The following NLGN4X variants were observed in gnomAD, a reference collection of about 807,000 sequenced individuals.
NLGN4X encodes the protein neuroligin-4, X-linked.
Under a neutral mutation model 40.3 loss-of-function variants are expected in NLGN4X, and 3 were observed. That is an observed-to-expected ratio of 0.07 (90% CI 0.03 to 0.19). The LOEUF (loss-of-function observed/expected upper bound fraction) is 0.19. NLGN4X is among the 10% of genes least tolerant of loss of function. The pLI is 1.00. For missense variants in NLGN4X, 382 were observed against 708.3 expected (o/e 0.54, Z 5.23); for synonymous variants, 270 against 306.8 (o/e 0.88, Z 1.25).
chrX:6,030,907 C>T (rs1410319345), intron 2 of NLGN4X, among the ~76,000 whole-genome samples: 1 of 111,714 alleles, frequency 9.0e-6, no homozygotes, highest in Non-Finnish European at 1.9e-5. Flanking sequence ...ATTTCTTTTA[C>T]CATTACCAGC....
chrX:6,195,992 C>T (rs1602404131), intron 1 of NLGN4X, among the ~76,000 whole-genome samples: 5 of 110,900 alleles, frequency 4.5e-5, no homozygotes, highest in Admixed American at 2.9e-4. Flanking sequence ...TAGGATCTCA[C>T]TATTTTGCCC....
At chrX:6,039,901 A>G (rs942556266) in intron 2 of NLGN4X, among the ~76,000 whole-genome samples, 6 of 111,648 alleles carry the variant, frequency 5.4e-5, no homozygotes, top group African/African-American at 2.0e-4. Flanking sequence ...AGTGCTGCGT[A>G]TGGTTCTAAG....
chrX:6,218,803 T>C (rs973397525), intron 1 of NLGN4X, among the ~76,000 whole-genome samples: 2 of 111,753 alleles, frequency 1.8e-5, no homozygotes, highest in African/African-American at 6.5e-5. Flanking sequence ...GTGGTTAATT[T>C]GGTTAAAACT....
intron 1 of NLGN4X, among the ~76,000 whole-genome samples, chrX:6,201,185 G>C (rs769247151): frequency 8.0e-5 from 9 of 112,135 alleles, no homozygotes; most frequent in African/African-American, 2.3e-4. Flanking sequence ...GCATGTTAGA[G>C]AGAGCAGTGA....
intron 2 of NLGN4X, among the ~76,000 whole-genome samples, chrX:6,141,844 AT>A (rs1243995325): frequency 2.7e-5 from 3 of 111,640 alleles, no homozygotes; most frequent in Non-Finnish European, 3.8e-5. Flanking sequence ...AATTAAAAAA[AT>A]AAATAATAAA....
intron 1 of NLGN4X, among the ~76,000 whole-genome samples, chrX:6,166,843 G>A (rs935016455): frequency 1.0e-4 from 11 of 110,517 alleles, no homozygotes; most frequent in African/African-American, 3.6e-4. Context: ...AGGCTGAGGC[G>A]GGAGGATCAC....
intron 2 of NLGN4X, among the ~76,000 whole-genome samples, chrX:6,030,484 A>G (rs765988831): frequency 3.6e-4 from 30 of 84,028 alleles, no homozygotes; most frequent in African/African-American, 8.6e-4. Context: ...TTTATTTTCA[A>G]TTTCTTCATC....
At chrX:5,951,527 A>G (rs2034311587) in intron 3 of NLGN4X, among the ~76,000 whole-genome samples, 2 of 110,558 alleles carry the variant, frequency 1.8e-5, no homozygotes, top group South Asian at 7.9e-4. Flanking sequence ...AACATGCCCT[A>G]TCTTACCTCT....
At chrX:6,220,671 C>T (rs1009552170) in intron 1 of NLGN4X, among the ~76,000 whole-genome samples, 1 of 107,905 alleles carries the variant, frequency 9.3e-6, no homozygotes, top group East Asian at 2.9e-4. Flanking sequence ...CTCATGTTAA[C>T]GAATGTCTTC....
chrX:6,222,987 C>T (rs904151893), intron 1 of NLGN4X, among the ~76,000 whole-genome samples: 5 of 111,211 alleles, frequency 4.5e-5, no homozygotes, highest in Non-Finnish European at 7.5e-5. Flanking sequence ...AACCTCTTTC[C>T]TTTACAAATT....
At chrX:6,166,084 G>A (rs1255115952) in intron 1 of NLGN4X, among the ~76,000 whole-genome samples, 3 of 111,563 alleles carry the variant, frequency 2.7e-5, no homozygotes, top group East Asian at 5.6e-4. Flanking sequence ...TCCATTACCC[G>A]TGTAGGTAGG....
intron 3 of NLGN4X, among the ~76,000 whole-genome samples, chrX:6,008,405 G>A (rs1255251779): frequency 8.9e-6 from 1 of 112,182 alleles, no homozygotes. Context: ...GGTACTGATT[G>A]ATACATGCTA....
intron 2 of NLGN4X, among the ~76,000 whole-genome samples, chrX:6,057,511 AATAAG>A (rs1253295349): frequency 1.8e-5 from 2 of 112,266 alleles, no homozygotes; most frequent in South Asian, 3.6e-4. Flanking sequence ...ATGAATTAAG[AATAAG>A]ATGAGTAAAA....
At chrX:5,912,294 G>A (rs893568171) in intron 3 of NLGN4X, among the ~76,000 whole-genome samples, 2 of 110,983 alleles carry the variant, frequency 1.8e-5, no homozygotes, top group African/African-American at 3.3e-5. Context: ...CATAGAGGCC[G>A]ACTGGGTGCA....
intron 3 of NLGN4X, among the ~76,000 whole-genome samples, chrX:5,988,544 G>A (rs2035590781): frequency 9.0e-6 from 1 of 111,669 alleles, no homozygotes; most frequent in African/African-American, 3.3e-5. Context: ...TGGTTATTAG[G>A]GAAGGCAGAA....
chrX:6,059,742 C>T (rs2037724104), intron 2 of NLGN4X, among the ~76,000 whole-genome samples: 1 of 111,844 alleles, frequency 8.9e-6, no homozygotes, highest in Non-Finnish European at 1.9e-5. Flanking sequence ...ATGAGGACAA[C>T]TTATGCCAGC....
Position 5,996,300 on chromosome X carries a change from C to G in NLGN4X, c.625+32980G>C, listed in dbSNP as rs906427955. ...AGGTGTGCCCATCTAGATAAGAGTCCGACTTTGATATGTGGGATCACAACT... is the reference window on the plus strand; with the variant it reads ...AGGTGTGCCCATCTAGATAAGAGTCGGACTTTGATATGTGGGATCACAACT... On this transcript the variant is annotated intron_variant, in intron 3 of 5. Coordinates refer to ENST00000381095, the MANE Select transcript of NLGN4X (RefSeq NM_181332.3). Among the ~76,000 whole-genome samples the G allele has an allele frequency of 5.3e-5, 6 of 112,182 alleles. No individual in the cohort carries two copies. The South Asian group carries it at 2.2e-3, about 42-fold the overall frequency.
intron 2 of NLGN4X, among the ~76,000 whole-genome samples, chrX:6,076,598 C>A (rs1306555887): frequency 8.9e-6 from 1 of 112,100 alleles, no homozygotes; most frequent in Non-Finnish European, 1.9e-5. Flanking sequence ...CTTAGCTGAT[C>A]AACAATGGGA....
At chrX:5,980,793 A>C (rs6638585) in intron 3 of NLGN4X, among the ~76,000 whole-genome samples, 33,250 of 110,178 alleles carry the variant, frequency 0.3, 4,520 homozygotes, top group Middle Eastern at 0.58. Context: ...GTTTCAATTA[A>C]TATAGCTCTA....
Sources: allele counts gnomAD v4.1 joint callset (sites outside exome capture counted in the v4.1 genomes callset), GRCh38; gene constraint gnomAD v4.1.1; transcripts MANE v1.5; gene names NCBI Gene and HGNC (gene_info 2026-07-23, HGNC 2026-07-21).